The following RAD51B variants were observed in gnomAD, a reference collection of about 807,000 sequenced individuals.
RAD51B encodes DNA repair protein RAD51 homolog 2.
RAD51B carries 38 observed loss-of-function variants against 42.2 expected under a neutral mutation model. The ratio of observed to expected loss-of-function variants is 0.90; its 90% confidence interval spans 0.70 to 1.18. The LOEUF (loss-of-function observed/expected upper bound fraction) is 1.18. Among genes scored for constraint, RAD51B ranks in the 50% most tolerant of loss-of-function variants. The probability of loss-of-function intolerance (pLI) is 0.00; values close to 1 mark genes in which losing one functional copy is unlikely to be tolerated. For missense variants in RAD51B, 373 were observed against 400.7 expected (o/e 0.93, Z 0.59); for synonymous variants, 154 against 145.2 (o/e 1.06, Z -0.43).
chr14:68,123,191 C>CTTTTT, intron 7 of RAD51B, among the ~76,000 whole-genome samples: 166 of 125,440 alleles, frequency 1.3e-3, no homozygotes, highest in Non-Finnish European at 1.8e-3. Flanking sequence ...TTCTTTCTTT[C>CTTTTT]TTTTTTTTTT....
chr14:68,019,137 AC>A (rs1217329312), intron 7 of RAD51B, among the ~76,000 whole-genome samples: 2 of 151,906 alleles, frequency 1.3e-5, no homozygotes, highest in Non-Finnish European at 2.9e-5. Context: ...AAAAAAAAAA[AC>A]ACACCAAAAC....
chr14:68,663,192 C>T (rs1892968544), intron 11 of RAD51B, among the ~76,000 whole-genome samples: 1 of 152,192 alleles, frequency 6.6e-6, no homozygotes, highest in South Asian at 2.1e-4. Flanking sequence ...ATCCCAGCTA[C>T]TCAGGAGGCT....
At chr14:68,446,710 G>A (rs1424500712) in intron 9 of RAD51B, among the ~76,000 whole-genome samples, 1 of 152,050 alleles carries the variant, frequency 6.6e-6, no homozygotes, top group African/African-American at 2.4e-5. Context: ...TCAACGTAGA[G>A]AAAAACAAGA....
chr14:67,930,379 C>A (rs2044684710), intron 7 of RAD51B, among the ~76,000 whole-genome samples: 1 of 151,872 alleles, frequency 6.6e-6, no homozygotes, highest in Admixed American at 6.6e-5. Context: ...TCTTGAAGAG[C>A]TAGTCTAGTG....
intron 8 of RAD51B, among the ~76,000 whole-genome samples, chr14:68,336,482 A>T (rs2082457554): frequency 6.6e-6 from 1 of 152,230 alleles, no homozygotes; most frequent in African/African-American, 2.4e-5. Context: ...GAAGCAATCT[A>T]GTTGACAAAA....
chr14:67,894,561 GCT>G (rs1293144747), intron 7 of RAD51B, among the ~76,000 whole-genome samples: 3 of 152,140 alleles, frequency 2.0e-5, no homozygotes, highest in Admixed American at 6.5e-5. Flanking sequence ...GAGGCAAATC[GCT>G]CTCTGTGATA....
chr14:68,367,248 A>T (rs79866603), intron 8 of RAD51B, among the ~76,000 whole-genome samples: 1,656 of 152,334 alleles, frequency 0.011, 33 homozygotes, highest in African/African-American at 0.037. Flanking sequence ...AAAGATGATG[A>T]CAGTGATATG....
intron 9 of RAD51B, among the ~76,000 whole-genome samples, chr14:68,414,704 G>A (rs1213580185): frequency 1.3e-5 from 2 of 151,850 alleles, no homozygotes; most frequent in African/African-American, 4.8e-5. Flanking sequence ...AGGAAAAGGT[G>A]AGACTTGAGT....
intron 7 of RAD51B, among the ~76,000 whole-genome samples, chr14:68,218,158 A>G (rs776757380): frequency 1.3e-5 from 2 of 152,264 alleles, no homozygotes; most frequent in Non-Finnish European, 2.9e-5. Context: ...ATGTAAGCCT[A>G]TAAGTCACAG....
At position 67,882,299 on chromosome 14, in the gene RAD51B, C is replaced by T. The variant is rs559262279; in HGVS notation, c.453-3570C>T. Among the ~76,000 whole-genome samples the T allele has an allele frequency of 5.9e-5, 9 of 152,252 alleles. No homozygotes were observed. The South Asian group carries it at 1.9e-3, about 32-fold the overall frequency. On this transcript the variant is annotated intron_variant, in intron 5 of 10. Transcript: ENST00000471583. The stretch of plus-strand genomic sequence containing the variant: ...ACTTGGCTTCTTGGAACTATTCTCT[C>T]TTCTTTTACACCTACCTTCTTGGTC...
At chr14:67,969,159 G>C (rs1237968144) in intron 7 of RAD51B, among the ~76,000 whole-genome samples, 1 of 152,128 alleles carries the variant, frequency 6.6e-6, no homozygotes, top group Non-Finnish European at 1.5e-5. Context: ...CTCCCACAAC[G>C]TGTAGGAATT....
intron 10 of RAD51B, among the ~76,000 whole-genome samples, chr14:68,495,279 C>G (rs913498859): frequency 6.6e-6 from 1 of 152,188 alleles, no homozygotes. Context: ...GGGGAGTGCT[C>G]TCTACAGCTC....
chr14:68,003,470 G>C (rs796794680), intron 7 of RAD51B, among the ~76,000 whole-genome samples: 26 of 152,308 alleles, frequency 1.7e-4, no homozygotes, highest in African/African-American at 6.0e-4. Flanking sequence ...TGCAAACAAA[G>C]ATAGTTTGAC....
chr14:68,559,790 G>A (rs142850216), intron 10 of RAD51B, among the ~76,000 whole-genome samples: 4 of 152,130 alleles, frequency 2.6e-5, no homozygotes, highest in Admixed American at 6.6e-5. Flanking sequence ...AAGGTCTGTC[G>A]TCTTGACCAC....
At chr14:68,414,352 T>C (rs1048299084) in intron 9 of RAD51B, among the ~76,000 whole-genome samples, 8 of 152,222 alleles carry the variant, frequency 5.3e-5, no homozygotes, top group African/African-American at 1.4e-4. Context: ...ATTTGACTTT[T>C]ATTTACTCTT....
intron 7 of RAD51B, among the ~76,000 whole-genome samples, chr14:68,065,243 C>G (rs774717580): frequency 3.9e-5 from 6 of 152,128 alleles, no homozygotes; most frequent in Non-Finnish European, 7.4e-5. Flanking sequence ...TGGCAAATGC[C>G]TGCAAGTGTC....
At chr14:68,386,423 CAT>C (rs2140001049) in intron 8 of RAD51B, among the ~76,000 whole-genome samples, 1 of 152,328 alleles carries the variant, frequency 6.6e-6, no homozygotes, top group South Asian at 2.1e-4. Context: ...GCAGCAATAA[CAT>C]ACCTTTCCCC....
At chr14:68,376,071 T>C (rs751055233) in intron 8 of RAD51B, among the ~76,000 whole-genome samples, 4 of 152,214 alleles carry the variant, frequency 2.6e-5, no homozygotes, top group Non-Finnish European at 5.9e-5. Flanking sequence ...AAGGCAAAGC[T>C]GTTGGGGCCA....
chr14:68,275,793 TCCACACACAC>T (rs1566778178), intron 7 of RAD51B, among the ~76,000 whole-genome samples: 1 of 106,420 alleles, frequency 9.4e-6, no homozygotes, highest in Non-Finnish European at 1.9e-5. Flanking sequence ...AAACTAGCTC[TCCACACACAC>T]ACACACACAC....
Sources: allele counts gnomAD v4.1 joint callset (sites outside exome capture counted in the v4.1 genomes callset), GRCh38; gene constraint gnomAD v4.1.1; transcripts MANE v1.5; gene names NCBI Gene and HGNC (gene_info 2026-07-23, HGNC 2026-07-21).